Variants in TSHZ2 observed in about 807,000 individuals in gnomAD.
The protein encoded by TSHZ2 is teashirt zinc finger homeobox 2.
Under a neutral mutation model 74.4 loss-of-function variants are expected in TSHZ2, and 21 were observed. That is an observed-to-expected ratio of 0.28 (90% CI 0.20 to 0.41). The LOEUF is 0.41. Ranked by LOEUF, TSHZ2 falls within the 10% of genes least tolerant of loss-of-function variation. TSHZ2 has a pLI of 1.00. For synonymous variants in TSHZ2, 540 were observed against 515.3 expected (o/e 1.05, Z -0.65); for missense variants, 1,244 against 1,293.5 (o/e 0.96, Z 0.59).
At chr20:53,177,305 C>T (rs936915051) in intron 1 of TSHZ2, among the ~76,000 whole-genome samples, 4 of 152,302 alleles carry the variant, frequency 2.6e-5, no homozygotes, top group Non-Finnish European at 5.9e-5. Context: ...GTTAAAATTG[C>T]CGTGGCTCAT....
intron 1 of TSHZ2, among the ~76,000 whole-genome samples, chr20:53,148,364 T>C (rs528462325): frequency 1.3e-5 from 2 of 152,312 alleles, no homozygotes; most frequent in South Asian, 4.1e-4. Context: ...GAGTTGCTGC[T>C]AAGCTTCCCA....
intron 2 of TSHZ2, among the ~76,000 whole-genome samples, chr20:53,261,177 T>TC (rs2123738882): frequency 6.6e-6 from 1 of 152,242 alleles, no homozygotes; most frequent in South Asian, 2.1e-4. Context: ...TGGATGTACC[T>TC]CCAACAGCCC....
chr20:53,180,144 A>G (rs1436193209), intron 1 of TSHZ2, among the ~76,000 whole-genome samples: 1 of 150,462 alleles, frequency 6.6e-6, no homozygotes, highest in Non-Finnish European at 1.5e-5. Context: ...ATTCTGTGAC[A>G]AAAGAAAGAG....
chr20:53,318,168 G>C (rs1979102629), intron 2 of TSHZ2, among the ~76,000 whole-genome samples: 1 of 152,230 alleles, frequency 6.6e-6, no homozygotes, highest in Non-Finnish European at 1.5e-5. Context: ...CAGAGACCAG[G>C]TGAGATTTGA....
chr20:53,320,807 G>C (rs1778834161), intron 2 of TSHZ2, among the ~76,000 whole-genome samples: 1 of 152,210 alleles, frequency 6.6e-6, no homozygotes, highest in African/African-American at 2.4e-5. Context: ...GAAGGGGTTT[G>C]GGGCCTGTGG....
chr20:52,989,072 A>T (rs1256744377), intron 1 of TSHZ2, among the ~76,000 whole-genome samples: 2 of 151,976 alleles, frequency 1.3e-5, no homozygotes, highest in East Asian at 3.9e-4. Flanking sequence ...ACTCCAAATA[A>T]TAGGATAAGA....
Position 53,255,167 on chromosome 20 carries a change from A to C in TSHZ2, c.1709A>C (p.Asn570Thr). 1 of 1,614,176 alleles carries C rather than the reference A, an allele frequency of 6.2e-7. No homozygotes were observed. Among genetic ancestry groups the C allele is most frequent in the Non-Finnish European group, 8.5e-7 (1 of 1,180,028 alleles). Residue 570 changes from asparagine (N) to threonine (T), a missense_variant, in exon 2 of 3, where the codon AAT (asparagine) becomes ACT (threonine). Physicochemically the swap from Asn to Thr is moderately conservative, Grantham distance 65 (BLOSUM62 0). This residue lies in a region of TSHZ2 where 562 missense variants were observed against 544.0 expected (regional missense o/e 1.03). Coordinates refer to ENST00000371497, the MANE Select transcript of TSHZ2 (RefSeq NM_173485.6). The surrounding 1 kb of genome is among the most constrained non-coding windows in gnomAD (Gnocchi z 4.1). ...MGSQVLQIRP[N>T]LTNKLRPIAP... ...TCCCAGGTACTGCAGATCCGGCCTAATCTCACCAACAAGCTGAGGCCCATT... is the reference window on the plus strand; with the variant it reads ...TCCCAGGTACTGCAGATCCGGCCTACTCTCACCAACAAGCTGAGGCCCATT...
At chr20:53,466,254 TAAAAATA>T (rs1985558903) in intron 2 of TSHZ2, among the ~76,000 whole-genome samples, 2 of 60,194 alleles carry the variant, frequency 3.3e-5, no homozygotes, top group African/African-American at 1.3e-4. Context: ...CCTCGAAAAA[TAAAAATA>T]AAAAAAAAAA....
At chr20:53,279,321 G>T (rs1257707339) in intron 2 of TSHZ2, among the ~76,000 whole-genome samples, 1 of 152,192 alleles carries the variant, frequency 6.6e-6, no homozygotes, top group Non-Finnish European at 1.5e-5. Flanking sequence ...CCAGTGAATG[G>T]TAGTGACTAT....
At chr20:53,045,302 AG>A (rs1984188469) in intron 1 of TSHZ2, among the ~76,000 whole-genome samples, 1 of 152,208 alleles carries the variant, frequency 6.6e-6, no homozygotes, top group Non-Finnish European at 1.5e-5. Context: ...TGATTTCAAA[AG>A]GGTGGGGAAG....
chr20:53,057,633 T>A (rs1033995572), intron 1 of TSHZ2, among the ~76,000 whole-genome samples: 2 of 152,282 alleles, frequency 1.3e-5, no homozygotes, highest in African/African-American at 4.8e-5. Flanking sequence ...GTCCCTTGAA[T>A]TTTTTAGAGG....
intron 2 of TSHZ2, among the ~76,000 whole-genome samples, chr20:53,454,625 A>G (rs182379590): frequency 2.9e-4 from 44 of 151,352 alleles, no homozygotes; most frequent in African/African-American, 1.0e-3. Context: ...TCCCTTTCCC[A>G]TCCTTCAGGT....
chr20:53,397,075 C>T (rs1982477508), intron 2 of TSHZ2, among the ~76,000 whole-genome samples: 1 of 152,158 alleles, frequency 6.6e-6, no homozygotes, highest in South Asian at 2.1e-4. Flanking sequence ...GCAAGGACTT[C>T]ATGTCTAAAA....
chr20:53,468,530 C>T (rs1985628946), intron 2 of TSHZ2, among the ~76,000 whole-genome samples: 1 of 151,952 alleles, frequency 6.6e-6, no homozygotes, highest in Admixed American at 6.6e-5. Flanking sequence ...CGTTCAACAG[C>T]CATTTTGCAC....
chr20:53,132,102 T>C (rs899574109), intron 1 of TSHZ2, among the ~76,000 whole-genome samples: 2 of 151,918 alleles, frequency 1.3e-5, no homozygotes, highest in African/African-American at 4.8e-5. Context: ...TCTTTGAAAA[T>C]GTAATGATCA....
At chr20:53,127,893 C>A (rs966339398) in intron 1 of TSHZ2, among the ~76,000 whole-genome samples, 18 of 152,164 alleles carry the variant, frequency 1.2e-4, no homozygotes, top group Admixed American at 1.0e-3. Flanking sequence ...AGCCAGGGTG[C>A]CCTGCTGCCT....
At chr20:53,271,197 T>TG (rs1408197091) in intron 2 of TSHZ2, among the ~76,000 whole-genome samples, 1 of 152,050 alleles carries the variant, frequency 6.6e-6, no homozygotes, top group African/African-American at 2.4e-5. Flanking sequence ...CTAAGCTCAG[T>TG]GGGGAAAAAC....
chr20:53,075,270 T>G (rs1985332192), intron 1 of TSHZ2, among the ~76,000 whole-genome samples: 1 of 152,254 alleles, frequency 6.6e-6, no homozygotes, highest in African/African-American at 2.4e-5. Context: ...TTCTTTGCTG[T>G]GAAGCTCATG....
intron 1 of TSHZ2, among the ~76,000 whole-genome samples, chr20:53,038,956 G>A (rs1483295994): frequency 1.3e-5 from 2 of 151,636 alleles, no homozygotes; most frequent in East Asian, 3.9e-4. Flanking sequence ...GAGTGCAATG[G>A]TGCGATCTCG....
Sources: allele counts gnomAD v4.1 joint callset (sites outside exome capture counted in the v4.1 genomes callset), GRCh38; gene constraint gnomAD v4.1.1; regional missense constraint gnomAD v4.1.1; non-coding constraint Gnocchi (gnomAD v3.1); transcripts MANE v1.5; gene names NCBI Gene and HGNC (gene_info 2026-07-23, HGNC 2026-07-21).